The following SYT16 variants were observed in gnomAD, a reference collection of about 807,000 sequenced individuals.
SYT16 encodes the protein synaptotagmin-16.
SYT16 carries 42 observed loss-of-function variants against 61.4 expected under a neutral mutation model. The ratio of observed to expected loss-of-function variants is 0.68; its 90% confidence interval spans 0.53 to 0.89. SYT16 has a LOEUF of 0.89. Among genes scored for constraint, SYT16 ranks in the 40% least tolerant of loss-of-function variants. The pLI is 0.00. For synonymous variants in SYT16, 314 were observed against 302.3 expected, an observed-to-expected ratio of 1.04 and a Z score of -0.40; for missense variants, 804 against 807.3, an observed-to-expected ratio of 1.00 and a Z score of 0.05.
In SYT16 at chr14:62,101,061, G is replaced by C. The variant is rs2057407023; in HGVS notation, c.*354G>C. 1 of 180,082 alleles carries C rather than the reference G, an allele frequency of 5.6e-6. No homozygotes were observed. The highest frequency in any genetic ancestry group is 1.2e-5 in the Non-Finnish European group (1 of 85,746). 11.2% of individuals were successfully genotyped at this position (180,082 alleles called of 1,614,324 possible). ...AAGAGTAACCTGAGATTGCAAGGGA[G>C]CTGTTAATTGTTACTATTTGCAACC... On this transcript the variant is annotated 3_prime_UTR_variant, in exon 8 of 8. Transcript: ENST00000683842.
At chr14:61,839,330 C>G (rs1006378745) in intron 1 of SYT16, among the ~76,000 whole-genome samples, 9 of 152,178 alleles carry the variant, frequency 5.9e-5, no homozygotes, top group African/African-American at 2.2e-4. Flanking sequence ...AAGGCCCTCA[C>G]CAGATGCTGG....
chr14:61,929,273 C>G (rs950725852), intron 1 of SYT16, among the ~76,000 whole-genome samples: 2 of 152,158 alleles, frequency 1.3e-5, no homozygotes, highest in African/African-American at 2.4e-5. Flanking sequence ...TAGAAAAACC[C>G]TGTTGGAGTC....
chr14:62,069,548 C>T, intron 3 of SYT16, 55 bp from the exon 4 acceptor site: 2 of 1,518,218 alleles, frequency 1.3e-6, no homozygotes, highest in South Asian at 2.3e-5. Flanking sequence ...GAGTCTATCT[C>T]TGTATTCGAG....
intron 1 of SYT16, among the ~76,000 whole-genome samples, chr14:61,939,449 A>C (rs1039856704): frequency 1.3e-5 from 2 of 152,210 alleles, no homozygotes; most frequent in Non-Finnish European, 2.9e-5. Flanking sequence ...CTATTTTCTC[A>C]CAGTCCTGGA....
chr14:62,084,415 G>A lies in SYT16; in HGVS notation c.1624+30G>A, dbSNP rs2056818559. 1.9e-6 allele frequency: 3 copies of A among 1,590,526 alleles called. No homozygotes were observed. In the East Asian group the frequency reaches 6.9e-5, roughly 36 times the overall value. On this transcript the variant is annotated intron_variant, in intron 7 of 7. Coordinates refer to ENST00000683842, the MANE Select transcript of SYT16 (RefSeq NM_001367656.1). ...GTGTGAGTCTGTTCTCCCAGCTCTG[G>A]TTCTTCCAGAGGCAAGTGGAAAGCC...
Position 62,078,107 on chromosome 14 carries a change from C to CTG in SYT16, c.993+2717_993+2718insGT, listed in dbSNP as rs1491310693. ...TCTCCCCCTTCATCTTGTGCGCTTG[C>CTG]TCTCTCTCTCTCTCTCTCTAGTGCT... is the stretch of plus-strand genomic sequence containing the variant. On this transcript the variant is annotated intron_variant, in intron 5 of 7. Coordinates refer to ENST00000683842, the MANE Select transcript of SYT16 (RefSeq NM_001367656.1). 4.2e-4 allele frequency among the ~76,000 whole-genome samples: 29 copies of CTG among 69,532 alleles called. 1 individual carries two copies. The highest frequency in any genetic ancestry group is 2.7e-3 in the African/African-American group (27 of 10,168). The allele number at this position is 69,532 out of a possible 152,430, so 45.6% of individuals were successfully genotyped here.
chr14:61,987,399 A>T (rs796126648), intron 2 of SYT16, among the ~76,000 whole-genome samples: 7 of 152,308 alleles, frequency 4.6e-5, no homozygotes, highest in African/African-American at 1.7e-4. Context: ...TCAAATATGC[A>T]CCTTAGAAAG....
At chr14:61,926,363 G>T (rs2049538284) in intron 1 of SYT16, among the ~76,000 whole-genome samples, 1 of 152,142 alleles carries the variant, frequency 6.6e-6, no homozygotes, top group Non-Finnish European at 1.5e-5. Flanking sequence ...GTTTAGTCTG[G>T]ATTCTTGCAT....
chr14:61,976,376 A>C (rs139153858), intron 2 of SYT16, among the ~76,000 whole-genome samples: 28 of 152,172 alleles, frequency 1.8e-4, no homozygotes, highest in African/African-American at 6.7e-4. Flanking sequence ...CCCAGTGGGG[A>C]CCCTGTGTGG....
chr14:61,998,172 T>C (rs2052846089), intron 3 of SYT16, among the ~76,000 whole-genome samples: 1 of 152,020 alleles, frequency 6.6e-6, no homozygotes, highest in Admixed American at 6.6e-5. Context: ...CATACTAACA[T>C]TTACACATAC....
At position 61,957,822 on chromosome 14, in the gene SYT16, A is replaced by T. The variant is rs181178266; in HGVS notation, c.-324-12310A>T. 3.9e-5 allele frequency among the ~76,000 whole-genome samples: 6 copies of T among 152,112 alleles called. No homozygotes were observed. The East Asian group carries it at 1.2e-3, about 29-fold the overall frequency. On this transcript the variant is annotated intron_variant, in intron 1 of 7. Transcript: ENST00000683842. ...TATTTGGTGATAATGGCCTCATAAA[A>T]TGAGTTTGGAAGTGTTCCCTCTTCT...
intron 3 of SYT16, among the ~76,000 whole-genome samples, chr14:62,051,066 G>C (rs1175886062): frequency 6.6e-6 from 1 of 152,248 alleles, no homozygotes; most frequent in African/African-American, 2.4e-5. Context: ...CTTGCCCCCA[G>C]AGGTGGAGCC....
In SYT16 at chr14:61,920,564, T is replaced by C. The variant is rs574680863; in HGVS notation, c.-324-49568T>C. On this transcript the variant is annotated intron_variant, in intron 1 of 7. Coordinates refer to ENST00000683842, the MANE Select transcript of SYT16 (RefSeq NM_001367656.1). ...TCAATGATTCCCAAATTTATATCTC[T>C]AGGTCCAGGCCTGTCTCTAGAAACA... is the stretch of plus-strand genomic sequence containing the variant. Among the ~76,000 whole-genome samples, 7 of 152,294 alleles carry C rather than the reference T, an allele frequency of 4.6e-5. No homozygotes were observed. The East Asian group carries it at 1.2e-3, about 25-fold the overall frequency.
chr14:61,896,015 G>A (rs2048312115), intron 1 of SYT16, among the ~76,000 whole-genome samples: 1 of 152,008 alleles, frequency 6.6e-6, no homozygotes, highest in Admixed American at 6.6e-5. Context: ...CATTACTGTA[G>A]TTTGTTCTTT....
intron 1 of SYT16, among the ~76,000 whole-genome samples, chr14:61,842,529 G>C (rs1466394817): frequency 1.3e-5 from 2 of 151,980 alleles, no homozygotes; most frequent in Non-Finnish European, 2.9e-5. Flanking sequence ...TGGCTGAATA[G>C]TACTCTATTG....
In SYT16 at chr14:61,996,402, G is replaced by T. The variant is rs765438180; in HGVS notation, c.383G>T (p.Ser128Ile). 1.2e-6 allele frequency: 2 copies of T among 1,613,536 alleles called. No individual in the cohort carries two copies. Among genetic ancestry groups the T allele is most frequent in the African/African-American group, 1.3e-5 (1 of 75,020 alleles). Residue 128 changes from serine (S) to isoleucine (I), a missense_variant, in exon 3 of 8, where the codon AGT (serine) becomes ATT (isoleucine). Ser to Ile is a moderately radical substitution (Grantham distance 142). Transcript: ENST00000683842. ...STMSQWPNWA[S>I]DDRKLPHVLS... ...ATGTCCCAGTGGCCCAATTGGGCCA[G>T]TGATGACCGCAAGTTACCACATGTG...
At chr14:61,987,088 G>A (rs2052347910) in intron 2 of SYT16, among the ~76,000 whole-genome samples, 2 of 152,124 alleles carry the variant, frequency 1.3e-5, no homozygotes, top group African/African-American at 2.4e-5. Context: ...ATATTTCAGC[G>A]ACATCATTTA....
chr14:61,955,566 T>G (rs539008308), intron 1 of SYT16, among the ~76,000 whole-genome samples: 2 of 152,140 alleles, frequency 1.3e-5, no homozygotes, highest in Non-Finnish European at 2.9e-5. Flanking sequence ...GTGTGTCTTA[T>G]TTTACTTAGC....
At chr14:61,901,046 A>G (rs1254203370) in intron 1 of SYT16, among the ~76,000 whole-genome samples, 10 of 152,136 alleles carry the variant, frequency 6.6e-5, no homozygotes, top group Non-Finnish European at 7.4e-5. Flanking sequence ...CTGCCTTCCA[A>G]TTTCCCTTCT....
Sources: allele counts gnomAD v4.1 joint callset (sites outside exome capture counted in the v4.1 genomes callset), GRCh38; gene constraint gnomAD v4.1.1; transcripts MANE v1.5; gene names NCBI Gene and HGNC (gene_info 2026-07-23, HGNC 2026-07-21).